PGPEP1L: variants seen among roughly 807,000 people sequenced by gnomAD.
PGPEP1L encodes pyroglutamyl-peptidase 1-like protein.
A neutral mutation model predicts 6.0 loss-of-function variants in PGPEP1L; 7 were observed. The observed-to-expected ratio is 1.17, with a 90% CI of 0.66 to 2.19. PGPEP1L has a LOEUF of 2.19. Ranked by LOEUF, PGPEP1L falls within the 30% of genes most tolerant of loss-of-function variation. The pLI is 0.00. For synonymous variants in PGPEP1L, 103 were observed against 83.9 expected, an observed-to-expected ratio of 1.23 and a Z score of -1.24; for missense variants, 209 against 192.5, an observed-to-expected ratio of 1.09 and a Z score of -0.51.
intron 2 of PGPEP1L, among the ~76,000 whole-genome samples, chr15:98,984,670 A>T (rs1774734352): frequency 6.6e-6 from 1 of 152,188 alleles, no homozygotes; most frequent in African/African-American, 2.4e-5. Flanking sequence ...TTCAGTGGGT[A>T]CTACGAATGA....
At chr15:98,981,509 AAAAC>A (rs1289878936) in intron 2 of PGPEP1L, among the ~76,000 whole-genome samples, 9 of 140,234 alleles carry the variant, frequency 6.4e-5, no homozygotes, top group Admixed American at 2.1e-4. Context: ...AAAAAAAACA[AAAAC>A]AAAACAAAAA....
At chr15:99,000,606 A>G (rs1219370115) in intron 2 of PGPEP1L, among the ~76,000 whole-genome samples, 9 of 152,170 alleles carry the variant, frequency 5.9e-5, no homozygotes, top group South Asian at 2.1e-4. Flanking sequence ...GAATGCACCA[A>G]TCGACGCTCT....
chr15:98,975,082 G>T (rs1052767973), intron 2 of PGPEP1L, among the ~76,000 whole-genome samples: 2 of 152,196 alleles, frequency 1.3e-5, no homozygotes, highest in Admixed American at 6.5e-5. Context: ...GCCCATGAAT[G>T]AATGAATGAA....
intron 2 of PGPEP1L, among the ~76,000 whole-genome samples, chr15:98,980,481 G>T (rs542481487): frequency 6.6e-6 from 1 of 152,116 alleles, no homozygotes. Flanking sequence ...TAAGTAAGTG[G>T]GTCCAGGAGG....
chr15:99,002,949 A>C (rs2017995083), intron 2 of PGPEP1L, among the ~76,000 whole-genome samples: 1 of 152,188 alleles, frequency 6.6e-6, no homozygotes, highest in Non-Finnish European at 1.5e-5. Flanking sequence ...AGGCCTTTAG[A>C]CTAGGAACCA....
At chr15:98,971,831 TTAC>T (rs1340945300) in intron 2 of PGPEP1L, among the ~76,000 whole-genome samples, 2 of 152,184 alleles carry the variant, frequency 1.3e-5, no homozygotes, top group Non-Finnish European at 2.9e-5. Context: ...TAAAAAATAA[TTAC>T]TACAGTTGGT....
At chr15:98,978,724 ATATTTTTT>A (rs1567236386) in intron 2 of PGPEP1L, among the ~76,000 whole-genome samples, 2 of 69,670 alleles carry the variant, frequency 2.9e-5, no homozygotes, top group Admixed American at 1.9e-4. Context: ...ATATATATAT[ATATTTTTT>A]TTTTTTTTTT....
chr15:98,975,785 G>T (rs2017560299), intron 2 of PGPEP1L, among the ~76,000 whole-genome samples: 1 of 152,178 alleles, frequency 6.6e-6, no homozygotes, highest in Non-Finnish European at 1.5e-5. Context: ...GGAGGCTGAG[G>T]CAGGAGAATC....
Position 98,971,099 on chromosome 15 carries a change from C to T in PGPEP1L, c.-82G>A. The stretch of plus-strand genomic sequence containing the variant: ...GCTTAGCCTCCCTGTAATCTACAGG[C>T]AGCTCCAGAGTCCGCAGCTGCACCA... On this transcript the variant is annotated 5_prime_UTR_variant, in exon 3 of 5. Transcript: ENST00000535714. 1.2e-6 allele frequency: 2 copies of T among 1,613,364 alleles called. No individual in the cohort carries two copies. The highest frequency in any genetic ancestry group is 1.7e-6 in the Non-Finnish European group (2 of 1,179,674).
chr15:98,973,509 C>T (rs1254876761), intron 2 of PGPEP1L, among the ~76,000 whole-genome samples: 3 of 152,160 alleles, frequency 2.0e-5, no homozygotes, highest in African/African-American at 7.2e-5. Context: ...TATCAAGTAT[C>T]TTTTCTGACC....
intron 2 of PGPEP1L, among the ~76,000 whole-genome samples, chr15:98,973,518 C>T (rs1254497021): frequency 6.6e-6 from 1 of 152,136 alleles, no homozygotes; most frequent in East Asian, 1.9e-4. Flanking sequence ...TCTTTTCTGA[C>T]CACAATGGAC....
Position 98,995,200 on chromosome 15 carries a change from G to A in PGPEP1L, c.-142+10229C>T, listed in dbSNP as rs185188987. Among the ~76,000 whole-genome samples, 26 of 151,886 alleles carry A rather than the reference G, an allele frequency of 1.7e-4. No homozygotes were observed. The East Asian group carries it at 1.9e-3, about 11-fold the overall frequency. ...TGTATTTAGAACATCACATTTTATCGTCCACATTTATTTTCTGTCTTCTTT... is the reference window on the plus strand; with the variant it reads ...TGTATTTAGAACATCACATTTTATCATCCACATTTATTTTCTGTCTTCTTT... On this transcript the variant is annotated intron_variant, in intron 2 of 4. Coordinates refer to ENST00000535714, the MANE Select transcript of PGPEP1L (RefSeq NM_001167902.2).
At chr15:98,987,887 G>A (rs2017769781) in intron 2 of PGPEP1L, among the ~76,000 whole-genome samples, 1 of 152,100 alleles carries the variant, frequency 6.6e-6, no homozygotes, top group African/African-American at 2.4e-5. Flanking sequence ...AAGGGGTCAA[G>A]GGATTCCCCT....
intron 2 of PGPEP1L, among the ~76,000 whole-genome samples, chr15:98,976,444 T>C (rs1163065552): frequency 6.6e-6 from 1 of 152,214 alleles, no homozygotes; most frequent in Non-Finnish European, 1.5e-5. Flanking sequence ...TAGAGTTCTA[T>C]GGAATCACAA....
chr15:99,007,010 C>T (rs1555473750), intron 1 of PGPEP1L, among the ~76,000 whole-genome samples: 2 of 152,102 alleles, frequency 1.3e-5, no homozygotes, highest in African/African-American at 2.4e-5. Flanking sequence ...GCTGAATTGT[C>T]CTCCTGATAT....
chr15:98,995,265 G>T (rs1397718729), intron 2 of PGPEP1L, among the ~76,000 whole-genome samples: 1 of 152,032 alleles, frequency 6.6e-6, no homozygotes, highest in Non-Finnish European at 1.5e-5. Context: ...AGTATCTTCA[G>T]ATCTGTCTTC....
chr15:98,988,900 A>T (rs1468156724), intron 2 of PGPEP1L, among the ~76,000 whole-genome samples: 1 of 152,252 alleles, frequency 6.6e-6, no homozygotes, highest in Non-Finnish European at 1.5e-5. Context: ...GACTGTTAGA[A>T]GGAAAACTGA....
Position 98,971,052 on chromosome 15 carries a change from T to TC in PGPEP1L, c.-36dup. The TC allele has an allele frequency of 6.2e-7, 1 of 1,613,754 alleles. No individual in the cohort carries two copies. On this transcript the variant is annotated 5_prime_UTR_variant, in exon 3 of 5. Transcript: ENST00000535714. ...ATCACTTACTTGCGGCTGATGATCT[T>TC]CCCAGATTCCGGTGACCCTCCGCTT...
intron 1 of PGPEP1L, among the ~76,000 whole-genome samples, chr15:99,006,641 C>T (rs1555473671): frequency 6.6e-6 from 1 of 152,108 alleles, no homozygotes; most frequent in Non-Finnish European, 1.5e-5. Context: ...TCAACCTGGG[C>T]AACGTGGCAA....
Sources: gnomAD v4.1 joint callset for allele counts (sites outside exome capture counted in the v4.1 genomes callset) on GRCh38, gnomAD v4.1.1 for gene constraint, MANE v1.5 for transcripts, NCBI Gene and HGNC (gene_info 2026-07-23, HGNC 2026-07-21) for gene names.